The following NCOA3 variants were observed in gnomAD, a reference collection of about 807,000 sequenced individuals.
The protein encoded by NCOA3 is nuclear receptor coactivator 3.
NCOA3 carries 51 observed loss-of-function variants against 158.8 expected under a neutral mutation model. The ratio of observed to expected loss-of-function variants is 0.32; its 90% CI spans 0.26 to 0.41. The LOEUF is 0.41. NCOA3 is among the 10% of genes least tolerant of loss of function. The pLI is 1.00. For missense variants in NCOA3, 1,510 were observed against 1,746.6 expected (o/e 0.86, Z 2.41); for synonymous variants, 537 against 592.4 (o/e 0.91, Z 1.36).
intron 1 of NCOA3, among the ~76,000 whole-genome samples, chr20:47,544,338 C>CCTTT (rs1186043413): frequency 0.01 from 438 of 42,846 alleles, 6 homozygotes; most frequent in African/African-American, 0.052. Context: ...TTTTTTTTTT[C>CCTTT]CCTTAAACGC....
chr20:47,558,273 G>A (rs2085043771), intron 1 of NCOA3, among the ~76,000 whole-genome samples: 1 of 134,460 alleles, frequency 7.4e-6, no homozygotes, highest in African/African-American at 2.9e-5. Context: ...GTAGAGATGG[G>A]GTTTCTCCAT....
intron 1 of NCOA3, among the ~76,000 whole-genome samples, chr20:47,541,444 T>C (rs58406646): frequency 0.88 from 16,265 of 18,426 alleles, 7,326 homozygotes; most frequent in East Asian, 0.97. Context: ...CCTCCCCTCC[T>C]TTCTCCTCCC....
chr20:47,578,262 T>G (rs1433188049), intron 1 of NCOA3, among the ~76,000 whole-genome samples: 2 of 152,332 alleles, frequency 1.3e-5, no homozygotes, highest in East Asian at 3.9e-4. Context: ...CTCAGCTCAC[T>G]GCAACCTCTG....
At chr20:47,530,589 A>G (rs1245392309) in intron 1 of NCOA3, among the ~76,000 whole-genome samples, 2 of 151,536 alleles carry the variant, frequency 1.3e-5, no homozygotes, top group African/African-American at 4.8e-5. Context: ...CAGCCTCCCA[A>G]GTAGCTGGGA....
rs1385260945 is a variant in NCOA3 at position 47,635,031 on chromosome 20, C to T, written c.1113-291C>T. 3.3e-5 allele frequency among the ~76,000 whole-genome samples: 5 copies of T among 150,762 alleles called. No individual in the cohort carries two copies. The East Asian group carries it at 7.8e-4, about 24-fold the overall frequency. On this transcript the variant is annotated intron_variant, in intron 10 of 22. Transcript: ENST00000371998. Reference sequence around the variant, plus strand: ...GCAACCTCGAACTCCTGGGCTCAGGCGATCCTCCCACCGCAGCCTCCTGAA... The same window carrying T: ...GCAACCTCGAACTCCTGGGCTCAGGTGATCCTCCCACCGCAGCCTCCTGAA...
rs1358544845 is a variant in NCOA3, at chr20:47,631,450, T to C, written c.824-2046T>C. 2.6e-5 allele frequency: 4 copies of C among 152,260 alleles called. 1 individual carries two copies. The highest frequency in any genetic ancestry group is 5.9e-5 in the Non-Finnish European group (4 of 68,044). The allele number at this position is 152,260 out of a possible 1,614,324, so 9.4% of individuals were successfully genotyped here. On this transcript the variant is annotated intron_variant, in intron 8 of 22. Transcript: ENST00000371998. Reference sequence around the variant, plus strand: ...TTGCTTTTGCCAACCACCCTAGTGCTGCTTAGAGTGAAAAGGCCTAGACAG... The same window carrying C: ...TTGCTTTTGCCAACCACCCTAGTGCCGCTTAGAGTGAAAAGGCCTAGACAG...
At chr20:47,591,361 C>A (rs922285681) in intron 2 of NCOA3, among the ~76,000 whole-genome samples, 4 of 152,134 alleles carry the variant, frequency 2.6e-5, no homozygotes, top group African/African-American at 4.8e-5. Context: ...CATAAATTAT[C>A]AAGATTTAAA....
intron 2 of NCOA3, among the ~76,000 whole-genome samples, chr20:47,608,893 G>C (rs1422290000): frequency 6.6e-6 from 1 of 152,120 alleles, no homozygotes; most frequent in African/African-American, 2.4e-5. Context: ...CCTCTATTCT[G>C]TGCTGCTTAA....
chr20:47,543,406 C>G (rs1205966389), intron 1 of NCOA3, among the ~76,000 whole-genome samples: 1 of 152,018 alleles, frequency 6.6e-6, no homozygotes, highest in Non-Finnish European at 1.5e-5. Flanking sequence ...AGACTACTTC[C>G]CAGGGAGTGT....
chr20:47,508,712 C>T (rs1317155610), intron 1 of NCOA3, among the ~76,000 whole-genome samples: 1 of 152,154 alleles, frequency 6.6e-6, no homozygotes, highest in East Asian at 1.9e-4. Flanking sequence ...GCAGCATGAT[C>T]ATATGTTCAG....
chr20:47,595,355 A>T (rs1038920638), intron 2 of NCOA3, among the ~76,000 whole-genome samples: 3 of 151,210 alleles, frequency 2.0e-5, no homozygotes, highest in Non-Finnish European at 4.4e-5. Context: ...GCCTTGGCCT[A>T]CCAAAGTGTG....
chr20:47,540,576 A>G (rs1334795321), intron 1 of NCOA3, among the ~76,000 whole-genome samples: 2 of 148,294 alleles, frequency 1.3e-5, no homozygotes, highest in Non-Finnish European at 3.0e-5. Flanking sequence ...CTTGTCTCAA[A>G]AAAAAAAAAA....
chr20:47,650,550 C>T (rs2086766040), intron 19 of NCOA3, among the ~76,000 whole-genome samples: 1 of 151,688 alleles, frequency 6.6e-6, no homozygotes, highest in Admixed American at 6.6e-5. Flanking sequence ...TGCACCAGGT[C>T]AGAAAGCTTT....
At chr20:47,622,547 G>A (rs72645241) in intron 3 of NCOA3, among the ~76,000 whole-genome samples, 4 of 151,928 alleles carry the variant, frequency 2.6e-5, no homozygotes, top group Non-Finnish European at 2.9e-5. Context: ...TTAACAATTC[G>A]CGGTACTATA....
At chr20:47,624,214 AT>A in intron 4 of NCOA3, 131 bp downstream of exon 4, 1 of 691,604 alleles carries the variant, frequency 1.4e-6, no homozygotes, top group Non-Finnish European at 2.4e-6. Flanking sequence ...ATTCAAGCAC[AT>A]TACGTTTGTG....
At chr20:47,539,428 T>C (rs1311217541) in intron 1 of NCOA3, among the ~76,000 whole-genome samples, 1 of 152,226 alleles carries the variant, frequency 6.6e-6, no homozygotes, top group Non-Finnish European at 1.5e-5. Context: ...TGCTATATCC[T>C]TAGTGCTCAG....
At chr20:47,533,095 ACT>A (rs2084572050) in intron 1 of NCOA3, among the ~76,000 whole-genome samples, 3 of 119,452 alleles carry the variant, frequency 2.5e-5, no homozygotes, top group African/African-American at 3.4e-5. Flanking sequence ...ACAGAGCAAG[ACT>A]CTGTCTCAAA....
At chr20:47,581,060 C>T (rs1357697951) in intron 1 of NCOA3, among the ~76,000 whole-genome samples, 1 of 151,992 alleles carries the variant, frequency 6.6e-6, no homozygotes, top group Non-Finnish European at 1.5e-5. Flanking sequence ...ATGACCATAC[C>T]ACCACACTCC....
chr20:47,568,654 G>A (rs989072814), intron 1 of NCOA3, among the ~76,000 whole-genome samples: 17 of 152,064 alleles, frequency 1.1e-4, no homozygotes, highest in East Asian at 1.9e-4. Flanking sequence ...TTAACCAGGC[G>A]TGGTGGTGGT....
Sources: gnomAD v4.1 joint callset for allele counts (sites outside exome capture counted in the v4.1 genomes callset) on GRCh38, gnomAD v4.1.1 for gene constraint, MANE v1.5 for transcripts, NCBI Gene and HGNC (gene_info 2026-07-23, HGNC 2026-07-21) for gene names.